Variants in ISLR2 observed in about 807,000 individuals in gnomAD.
The protein encoded by ISLR2 is immunoglobulin superfamily containing leucine-rich repeat protein 2.
In ISLR2, 16 loss-of-function variants were observed where a neutral mutation model predicts 25.5. That is an observed-to-expected ratio of 0.63 (90% CI 0.43 to 0.95). ISLR2 has a LOEUF of 0.95. Among genes scored for constraint, ISLR2 ranks in the 40% least tolerant of loss-of-function variants. ISLR2 has a pLI of 0.00. For missense variants in ISLR2, 883 were observed against 1,030.7 expected (o/e 0.86, Z 1.96); for synonymous variants, 508 against 486.6 (o/e 1.04, Z -0.58).
chr15:74,103,833 G>T (rs2141924357), intron 1 of ISLR2: 1 of 143,844 alleles, frequency 7.0e-6, no homozygotes, highest in East Asian at 2.0e-4. Context: ...CAGATCTGAT[G>T]ATTTTATTAC....
At chr15:74,100,865 T>G (rs1373006528) in intron 1 of ISLR2, among the ~76,000 whole-genome samples, 1 of 151,418 alleles carries the variant, frequency 6.6e-6, no homozygotes, top group African/African-American at 2.5e-5. Context: ...AGATCTTATC[T>G]TAATTTTTGC....
upstream of ISLR2, chr15:74,128,521 C>G (rs1456144488): frequency 1.1e-5 from 5 of 456,514 alleles, no homozygotes; most frequent in African/African-American, 8.0e-5. Flanking sequence ...GGTCCTCGGG[C>G]CCCGAAGTTT....
chr15:74,132,115 G>A lies in ISLR2; in HGVS notation c.-8-632G>A, dbSNP rs1260879599. On this transcript the variant is annotated intron_variant, in intron 2 of 2. Coordinates refer to ENST00000453268, the MANE Select transcript of ISLR2 (RefSeq NM_020851.3). The surrounding 1 kb of genome is among the most constrained non-coding windows in gnomAD (Gnocchi z 4.3). ...TGGTGGAAAACACGTACAAATGCTG[G>A]TTAAGAGAACAATGAGGTCTGCAGG... is the stretch of plus-strand genomic sequence containing the variant. The A allele has an allele frequency of 6.6e-6, 1 of 152,640 alleles. No homozygotes were observed. The highest frequency in any genetic ancestry group is 1.5e-5 in the Non-Finnish European group (1 of 68,382). The allele number at this position is 152,640 out of a possible 1,614,324, so 9.5% of individuals were successfully genotyped here.
upstream of ISLR2, chr15:74,128,496 A>C (rs1488651968): frequency 4.4e-6 from 2 of 456,642 alleles, no homozygotes; most frequent in East Asian, 7.0e-5. Flanking sequence ...ACAGCAAGGA[A>C]AGGGGGTCTT....
rs559258771 is a variant in ISLR2, at chr15:74,108,501, C to T, written n.228+4587C>T. On this transcript the variant is annotated intron_variant and non_coding_transcript_variant, in intron 2 of 3. Coordinates refer to the ISLR2 transcript ENST00000561975. ...CAGACCCCCCAAAGCCCCATGTCCA[C>T]GCAGCCCTCAAGAATCTGGCCCCTC... Among the ~76,000 whole-genome samples the T allele has an allele frequency of 2.3e-3, 343 of 152,268 alleles. 3 individuals carry two copies. The highest frequency in any genetic ancestry group is 8.3e-3 in the African/African-American group (343 of 41,556).
intron 2 of ISLR2, among the ~76,000 whole-genome samples, chr15:74,120,360 A>T (rs769980335): frequency 4.6e-5 from 7 of 152,086 alleles, no homozygotes; most frequent in Admixed American, 6.5e-5. Flanking sequence ...ATTTCTACTA[A>T]AAGTACAAAA....
chr15:74,135,153 T>TG lies in ISLR2; in HGVS notation c.*164dup, dbSNP rs1212450348. On this transcript the variant is annotated 3_prime_UTR_variant, in exon 3 of 3. Transcript: ENST00000453268. Reference sequence around the variant, plus strand: ...ACTACCAGGGACTTCTATTAGGGAGTGGGCCGATTTCACCAGTCCCTGCTA... The same window carrying TG: ...ACTACCAGGGACTTCTATTAGGGAGTGGGGCCGATTTCACCAGTCCCTGCTA... 3.5e-6 allele frequency: 3 copies of TG among 848,762 alleles called. No individual in the cohort carries two copies. The highest frequency in any genetic ancestry group is 5.5e-6 in the Non-Finnish European group (3 of 549,796). 52.6% of individuals were successfully genotyped at this position (848,762 alleles called of 1,614,324 possible).
At chr15:74,117,937 T>A (rs1003308350) in intron 2 of ISLR2, among the ~76,000 whole-genome samples, 1 of 152,120 alleles carries the variant, frequency 6.6e-6, no homozygotes, top group African/African-American at 2.4e-5. Flanking sequence ...TGGCAGCATC[T>A]CCTCTTATCG....
At chr15:74,123,211 C>T (rs1423904296), upstream of ISLR2, among the ~76,000 whole-genome samples, 1 of 152,066 alleles carries the variant, frequency 6.6e-6, no homozygotes, top group Non-Finnish European at 1.5e-5. Flanking sequence ...GCTCCTGGGA[C>T]CCAAGCGGGC....
At chr15:74,122,398 C>T (rs1595940724) in intron 2 of ISLR2, among the ~76,000 whole-genome samples, 2 of 152,352 alleles carry the variant, frequency 1.3e-5, no homozygotes, top group Admixed American at 6.5e-5. Flanking sequence ...GGAGTCCCAT[C>T]CCCCAGGGGC....
upstream of ISLR2, chr15:74,129,153 G>C (rs2072350731): frequency 1.6e-5 from 7 of 426,676 alleles, no homozygotes; most frequent in South Asian, 1.2e-4. The surrounding 1 kb of genome is among the most constrained non-coding windows in gnomAD (Gnocchi z 4.5). Context: ...TTCTGAACTG[G>C]GGCTGAGCAA....
At chr15:74,130,966 A>AG (rs1379407268) in intron 1 of ISLR2, 5 of 152,070 alleles carry the variant, frequency 3.3e-5, no homozygotes, top group Non-Finnish European at 7.3e-5. Flanking sequence ...CTTATGACCG[A>AG]CGTGTCTTGG....
At chr15:74,118,684 G>A (rs1023057487) in intron 2 of ISLR2, among the ~76,000 whole-genome samples, 1 of 149,318 alleles carries the variant, frequency 6.7e-6, no homozygotes, top group Non-Finnish European at 1.5e-5. Context: ...TTGAGATGGA[G>A]TCTCACTCTG....
chr15:74,130,018 C>G (rs2072370995), upstream of ISLR2: 1 of 152,120 alleles, frequency 6.6e-6, no homozygotes, highest in South Asian at 2.1e-4. Context: ...TCCACCTGTC[C>G]CGCGGTGCGC....
downstream of ISLR2, among the ~76,000 whole-genome samples, chr15:74,140,229 T>C (rs1329900233): frequency 6.6e-6 from 1 of 152,130 alleles, no homozygotes; most frequent in East Asian, 1.9e-4. Flanking sequence ...TGGTCCCAGA[T>C]CTTGTGTCTG....
chr15:74,109,260 C>T (rs1342124384), intron 2 of ISLR2, among the ~76,000 whole-genome samples: 26 of 150,764 alleles, frequency 1.7e-4, no homozygotes, highest in African/African-American at 6.2e-4. Flanking sequence ...TAGAGGCAGG[C>T]TTTAAACAGG....
chr15:74,138,170 G>A (rs780495973), downstream of ISLR2: 8 of 151,682 alleles, frequency 5.3e-5, no homozygotes, highest in East Asian at 1.9e-4. Context: ...TGGCTTTTTC[G>A]TATGACTTGT....
intron 1 of ISLR2, among the ~76,000 whole-genome samples, chr15:74,102,721 A>T (rs143123209): frequency 0.013 from 1,936 of 152,098 alleles, 130 homozygotes; most frequent in Admixed American, 0.11. Context: ...ATATGTTATG[A>T]ATATATGTGA....
At chr15:74,128,418 C>A, upstream of ISLR2, 1 of 455,392 alleles carries the variant, frequency 2.2e-6, no homozygotes, top group Non-Finnish European at 4.4e-6. Flanking sequence ...GGGTGGTCAC[C>A]GCGTCCTTAA....
Sources: allele counts gnomAD v4.1 joint callset (sites outside exome capture counted in the v4.1 genomes callset), GRCh38; gene constraint gnomAD v4.1.1; non-coding constraint Gnocchi (gnomAD v3.1); transcripts MANE v1.5; gene names NCBI Gene and HGNC (gene_info 2026-07-23, HGNC 2026-07-21).